DNAH5: variants seen among roughly 807,000 people sequenced by gnomAD.
The protein encoded by DNAH5 is axonemal beta dynein heavy chain 5.
Under a neutral mutation model 518.2 loss-of-function variants are expected in DNAH5, and 372 were observed. The ratio of observed to expected loss-of-function variants is 0.72; its 90% CI spans 0.66 to 0.78. The LOEUF is 0.78. Ranked by LOEUF, DNAH5 falls within the 30% of genes least tolerant of loss-of-function variation. The probability of loss-of-function intolerance (pLI) is 0.00; values close to 1 mark genes in which losing one functional copy is unlikely to be tolerated. For synonymous variants in DNAH5, 2,039 were observed against 2,025.9 expected, an observed-to-expected ratio of 1.01 and a Z score of -0.17; for missense variants, 5,523 against 5,687.0, an observed-to-expected ratio of 0.97 and a Z score of 0.93.
chr5:13,844,274 T>C (rs1180351455), intron 32 of DNAH5, among the ~76,000 whole-genome samples: 1 of 152,122 alleles, frequency 6.6e-6, no homozygotes, highest in Non-Finnish European at 1.5e-5. Flanking sequence ...GGAAACTGAA[T>C]ACAATATCTA....
intron 3 of DNAH5, among the ~76,000 whole-genome samples, chr5:13,925,460 G>A (rs569930769): frequency 2.0e-5 from 3 of 152,228 alleles, no homozygotes; most frequent in African/African-American, 7.2e-5. Flanking sequence ...ACCTGAGACT[G>A]GGCAACTTAC....
intron 52 of DNAH5, among the ~76,000 whole-genome samples, chr5:13,783,643 CAA>C (rs1755530834): frequency 6.6e-6 from 1 of 152,050 alleles, no homozygotes; most frequent in Non-Finnish European, 1.5e-5. Flanking sequence ...GAACTTTCAC[CAA>C]AGAGACAAAA....
rs968527655 is a variant in DNAH5 at position 13,743,499 on chromosome 5, C to T, written c.11212-6004G>A. On this transcript the variant is annotated intron_variant, in intron 65 of 78. Transcript: ENST00000265104. ...ATGGGGTTATACCAAAAAGCTTCTGCACAGCAAAGGAAACAATCAACAGAG... is the reference window on the plus strand; with the variant it reads ...ATGGGGTTATACCAAAAAGCTTCTGTACAGCAAAGGAAACAATCAACAGAG... Among the ~76,000 whole-genome samples the T allele has an allele frequency of 2.6e-4, 39 of 152,028 alleles. 1 individual carries two copies. The highest frequency in any genetic ancestry group is 9.4e-4 in the African/African-American group (39 of 41,498).
intron 68 of DNAH5, among the ~76,000 whole-genome samples, chr5:13,733,981 G>C (rs991895116): frequency 1.3e-5 from 2 of 151,932 alleles, no homozygotes; most frequent in African/African-American, 2.4e-5. Context: ...CATTTTCATA[G>C]TGTTATGGGA....
At chr5:13,752,394 A>C (rs1580062300) in intron 63 of DNAH5, 105 bp from the exon 64 acceptor site, 1 of 1,332,234 alleles carries the variant, frequency 7.5e-7, no homozygotes, top group East Asian at 2.3e-5. Context: ...TGCAAGAGAC[A>C]AATACAAATT....
chr5:13,784,705 G>A (rs1177522625), intron 52 of DNAH5, among the ~76,000 whole-genome samples: 2 of 152,206 alleles, frequency 1.3e-5, no homozygotes, highest in African/African-American at 4.8e-5. Context: ...ATGGAAGACA[G>A]TGTCGAATCA....
At chr5:13,841,225 A>T in intron 33 of DNAH5, 95 bp from the exon 34 acceptor site, 1 of 989,432 alleles carries the variant, frequency 1.0e-6, no homozygotes, top group Non-Finnish European at 1.6e-6. Flanking sequence ...TTGTTACACA[A>T]GTGTAAAGCC....
At chr5:13,768,341 C>T (rs115207531) in intron 58 of DNAH5, among the ~76,000 whole-genome samples, 4,432 of 152,270 alleles carry the variant, frequency 0.029, 77 homozygotes, top group Non-Finnish European at 0.045. Flanking sequence ...TGTCTGCTTC[C>T]GTTCACCTTC....
In DNAH5 at chr5:13,718,960, T is replaced by G; in HGVS notation, c.12421A>C (p.Thr4141Pro). 1 of 1,614,110 alleles carries G rather than the reference T, an allele frequency of 6.2e-7. No individual in the cohort carries two copies. The highest frequency in any genetic ancestry group is 8.5e-7 in the Non-Finnish European group (1 of 1,179,994). The part of the protein sequence containing the change: ...TTEAHKQFPI[T>P]LLQMSIKFAN... ...AATTTAATGGACATCTGAAGGAGTG[T>G]AATGGGAAACTGCTTATGAGCCTCG... Residue 4141 changes from threonine (T) to proline (P), a missense_variant, in exon 72 of 79, where the codon ACA (threonine) becomes CCA (proline). Physicochemically the swap from Thr to Pro is conservative, Grantham distance 38 (BLOSUM62 -1). Coordinates refer to ENST00000265104, the MANE Select transcript of DNAH5 (RefSeq NM_001369.3).
At chr5:13,761,475 C>A (rs571779227) in intron 60 of DNAH5, among the ~76,000 whole-genome samples, 26 of 151,972 alleles carry the variant, frequency 1.7e-4, no homozygotes, top group African/African-American at 6.3e-4. Context: ...CGCCTGTAGT[C>A]CCAGCTACTC....
Position 13,707,780 on chromosome 5 carries a change from T to C in DNAH5, c.13338+343A>G, listed in dbSNP as rs930544129. Reference sequence around the variant, plus strand: ...TCATGGACTTTGGAGTCCAGGAGCTTGGGTTTAAATTCTGATTCTTGGACT... The same window carrying C: ...TCATGGACTTTGGAGTCCAGGAGCTCGGGTTTAAATTCTGATTCTTGGACT... On this transcript the variant is annotated intron_variant, in intron 76 of 78. Coordinates refer to ENST00000265104, the MANE Select transcript of DNAH5 (RefSeq NM_001369.3). This position sits in a 1 kb window ranked among gnomAD's most constrained non-coding sequence, Gnocchi z 4.0. 4.6e-5 allele frequency among the ~76,000 whole-genome samples: 7 copies of C among 152,142 alleles called. No individual in the cohort carries two copies. Among genetic ancestry groups the C allele is most frequent in the Non-Finnish European group, 1.0e-4 (7 of 68,016 alleles).
chr5:13,977,249 G>C (rs1017111062), intron 1 of DNAH5, among the ~76,000 whole-genome samples: 1 of 152,156 alleles, frequency 6.6e-6, no homozygotes, highest in African/African-American at 2.4e-5. Context: ...GCTTGTCCAT[G>C]CAATGATCAC....
In DNAH5 at chr5:13,987,974, A is replaced by G. The variant is rs1783180132; in HGVS notation, c.12+23674T>C. On this transcript the variant is annotated intron_variant, in intron 1 of 78. Transcript: ENST00000681290. Reference sequence around the variant, plus strand: ...AACTAGACAAACCTGTCACATGGAAACCCAAACCAAAATAGGATCAAATTC... The same window carrying G: ...AACTAGACAAACCTGTCACATGGAAGCCCAAACCAAAATAGGATCAAATTC... Among the ~76,000 whole-genome samples, 3 of 152,298 alleles carry G rather than the reference A, an allele frequency of 2.0e-5. No individual in the cohort carries two copies. The South Asian group carries it at 6.2e-4, about 32-fold the overall frequency.
At chr5:13,714,351 C>T (rs1215080336) in intron 75 of DNAH5, 54 bp downstream of exon 75, 1 of 1,567,644 alleles carries the variant, frequency 6.4e-7, no homozygotes, top group East Asian at 2.2e-5. Flanking sequence ...CTCACTCTCC[C>T]AACCGAAGAT....
chr5:13,932,714 T>C (rs1370443704), intron 1 of DNAH5, among the ~76,000 whole-genome samples: 2 of 152,292 alleles, frequency 1.3e-5, no homozygotes, highest in South Asian at 2.1e-4. Flanking sequence ...GTGTGGAAAG[T>C]AGGCTGGTGT....
At chr5:13,708,001 G>T in intron 76 of DNAH5, 122 bp downstream of exon 76, 1 of 1,162,310 alleles carries the variant, frequency 8.6e-7, no homozygotes, top group Non-Finnish European at 1.3e-6. Flanking sequence ...GGCTACAGGG[G>T]GCTTCGTCCC....
At chr5:13,878,304 CAGAA>C (rs761074348) in intron 21 of DNAH5, among the ~76,000 whole-genome samples, 2 of 152,200 alleles carry the variant, frequency 1.3e-5, no homozygotes, top group Non-Finnish European at 2.9e-5. Context: ...GATCACAAAA[CAGAA>C]AGGAAGTTTC....
At chr5:13,830,808 C>T in intron 35 of DNAH5, 33 bp from the exon 36 acceptor site, 6 of 1,610,390 alleles carry the variant, frequency 3.7e-6, no homozygotes, top group Non-Finnish European at 5.1e-6. Context: ...AGAACCAGCC[C>T]TCAGTCACCT....
In DNAH5 at chr5:13,912,061, C is replaced by T. The variant is rs111920919; in HGVS notation, c.1537-568G>A. Among the ~76,000 whole-genome samples, 877 of 152,262 alleles carry T rather than the reference C, an allele frequency of 5.8e-3. 9 individuals carry two copies. The highest frequency in any genetic ancestry group is 0.02 in the African/African-American group (825 of 41,564). On this transcript the variant is annotated intron_variant, in intron 11 of 78. Transcript: ENST00000265104. The stretch of plus-strand genomic sequence containing the variant: ...TGCCCTGCAAAGCTGCAGCCTGTGA[C>T]TAGGAAAGTACAAACTAGGAAGTTC...
Sources: gnomAD v4.1 joint callset for allele counts (sites outside exome capture counted in the v4.1 genomes callset) on GRCh38, gnomAD v4.1.1 for gene constraint, Gnocchi (gnomAD v3.1) non-coding constraint, MANE v1.5 for transcripts, NCBI Gene and HGNC (gene_info 2026-07-23, HGNC 2026-07-21) for gene names.